LMNTD1: variants seen among roughly 807,000 people sequenced by gnomAD.
The protein encoded by LMNTD1 is lamin tail domain-containing protein 1.
Under a neutral mutation model 50.9 loss-of-function variants are expected in LMNTD1, and 35 were observed. The ratio of observed to expected loss-of-function variants is 0.69; its 90% CI spans 0.53 to 0.91. LMNTD1 has a LOEUF of 0.91. Among genes scored for constraint, LMNTD1 ranks in the 40% least tolerant of loss-of-function variants. The pLI, the probability that LMNTD1 is intolerant of heterozygous loss-of-function variation, is 0.00. For synonymous variants in LMNTD1, 153 were observed against 161.9 expected (o/e 0.94, Z 0.42); for missense variants, 470 against 475.5 (o/e 0.99, Z 0.11).
At chr12:25,577,521 G>T (rs1592057521) in intron 1 of LMNTD1, among the ~76,000 whole-genome samples, 1 of 152,032 alleles carries the variant, frequency 6.6e-6, no homozygotes, top group African/African-American at 2.4e-5. Flanking sequence ...TGTGAATTTT[G>T]CACATTGATT....
At chr12:25,604,962 C>G (rs1284222327) in intron 1 of LMNTD1, among the ~76,000 whole-genome samples, 2 of 152,082 alleles carry the variant, frequency 1.3e-5, no homozygotes, top group African/African-American at 4.8e-5. Flanking sequence ...ACAGTCCCAC[C>G]AACAGTGTAA....
intron 1 of LMNTD1, among the ~76,000 whole-genome samples, chr12:25,582,631 A>T (rs76334777): frequency 0.055 from 8,405 of 152,326 alleles, 410 homozygotes; most frequent in East Asian, 0.15. Context: ...TTAAAATATG[A>T]CAACCTAAAT....
At chr12:25,628,457 C>G (rs1016310967) in intron 1 of LMNTD1, among the ~76,000 whole-genome samples, 6 of 152,058 alleles carry the variant, frequency 3.9e-5, no homozygotes, top group Non-Finnish European at 8.8e-5. Flanking sequence ...AATCACCTTC[C>G]AAACATCAGA....
chr12:25,495,249 C>CGTGTGTGTGTGTGTGTGT (rs1207389869), intron 9 of LMNTD1, among the ~76,000 whole-genome samples: 22 of 144,768 alleles, frequency 1.5e-4, no homozygotes, highest in Admixed American at 6.3e-4. Context: ...AAAGTGTGTA[C>CGTGTGTGTGTGTGTGTGT]GTGTGTGTGT....
intron 1 of LMNTD1, among the ~76,000 whole-genome samples, chr12:25,621,184 G>T (rs180916773): frequency 6.6e-6 from 1 of 152,116 alleles, no homozygotes; most frequent in African/African-American, 2.4e-5. Context: ...ACTAATAACC[G>T]CATCTATTAA....
chr12:25,542,392 TA>T (rs1335657004), intron 4 of LMNTD1, among the ~76,000 whole-genome samples: 2 of 150,272 alleles, frequency 1.3e-5, no homozygotes, highest in Non-Finnish European at 3.0e-5. Flanking sequence ...TATGCAGCCA[TA>T]AAAAATGATG....
chr12:25,574,750 G>A (rs878904774), intron 1 of LMNTD1, among the ~76,000 whole-genome samples: 1 of 152,074 alleles, frequency 6.6e-6, no homozygotes, highest in East Asian at 1.9e-4. Flanking sequence ...TGCGGTCATG[G>A]ATCGTTTATT....
At chr12:25,519,005 A>T in intron 7 of LMNTD1, 38 bp from the exon 8 acceptor site, 1 of 1,598,708 alleles carries the variant, frequency 6.3e-7, no homozygotes, top group Non-Finnish European at 8.6e-7. Context: ...CTCAAAAGCC[A>T]TTTTATGCTG....
chr12:25,486,386 A>C, intron 9 of LMNTD1, among the ~76,000 whole-genome samples: 2 of 152,048 alleles, frequency 1.3e-5, no homozygotes, highest in Non-Finnish European at 2.9e-5. Context: ...GTTGCTTATC[A>C]GCTTAAGGAG....
At chr12:25,635,371 T>C (rs754125625) in intron 1 of LMNTD1, among the ~76,000 whole-genome samples, 14 of 151,952 alleles carry the variant, frequency 9.2e-5, no homozygotes, top group Admixed American at 2.0e-4. Context: ...AACTAAGAAT[T>C]CAACCCCTTT....
chr12:25,630,219 C>T (rs890629346), intron 1 of LMNTD1, among the ~76,000 whole-genome samples: 5 of 152,122 alleles, frequency 3.3e-5, no homozygotes, highest in Non-Finnish European at 7.4e-5. Context: ...AACAATTACA[C>T]AACAATAATA....
chr12:25,483,747 A>C (rs934881212), intron 9 of LMNTD1, among the ~76,000 whole-genome samples: 1 of 140,820 alleles, frequency 7.1e-6, no homozygotes, highest in Non-Finnish European at 1.5e-5. Flanking sequence ...ACTCCAAGCC[A>C]GGGCGACAGA....
At chr12:25,522,465 T>C (rs1379946178) in intron 6 of LMNTD1, among the ~76,000 whole-genome samples, 1 of 152,180 alleles carries the variant, frequency 6.6e-6, no homozygotes, top group African/African-American at 2.4e-5. Context: ...TTTAGTGCAA[T>C]AGAAAAATTA....
intron 1 of LMNTD1, among the ~76,000 whole-genome samples, chr12:25,587,771 G>A (rs962588688): frequency 2.6e-5 from 4 of 152,152 alleles, no homozygotes; most frequent in African/African-American, 9.7e-5. Context: ...GTTAAGGGAG[G>A]GCATATTGCC....
chr12:25,558,799 C>A (rs533822733), intron 1 of LMNTD1, among the ~76,000 whole-genome samples: 2 of 152,238 alleles, frequency 1.3e-5, no homozygotes, highest in South Asian at 4.1e-4. Context: ...ATCATAAGAA[C>A]AGCATGGGAA....
intron 4 of LMNTD1, among the ~76,000 whole-genome samples, chr12:25,545,093 A>C (rs1158759886): frequency 6.6e-6 from 1 of 151,482 alleles, no homozygotes; most frequent in African/African-American, 2.4e-5. Context: ...CTTTTTGAAC[A>C]TTAGTGTTTT....
intron 9 of LMNTD1, among the ~76,000 whole-genome samples, chr12:25,493,031 C>T (rs1349962044): frequency 6.6e-6 from 1 of 152,194 alleles, no homozygotes; most frequent in Non-Finnish European, 1.5e-5. Context: ...CCTGAAACAT[C>T]TAGCCTGTCT....
At chr12:25,591,761 G>T (rs934556283) in intron 1 of LMNTD1, among the ~76,000 whole-genome samples, 3 of 150,240 alleles carry the variant, frequency 2.0e-5, no homozygotes, top group Non-Finnish European at 4.4e-5. Context: ...AGTGGTGGTG[G>T]CCACAGGGGT....
chr12:25,612,844 C>T (rs1012783317), intron 1 of LMNTD1, among the ~76,000 whole-genome samples: 3 of 152,100 alleles, frequency 2.0e-5, no homozygotes, highest in Non-Finnish European at 4.4e-5. Flanking sequence ...GCAAAAGTGA[C>T]TTTCAGATGT....
Sources: gnomAD v4.1 joint callset for allele counts (sites outside exome capture counted in the v4.1 genomes callset) on GRCh38, gnomAD v4.1.1 for gene constraint, MANE v1.5 for transcripts, NCBI Gene and HGNC (gene_info 2026-07-23, HGNC 2026-07-21) for gene names.